DNAH6: variants seen among roughly 807,000 people sequenced by gnomAD.
DNAH6 encodes axonemal beta dynein heavy chain 6.
Under a neutral mutation model 491.4 loss-of-function variants are expected in DNAH6, and 340 were observed. The observed-to-expected ratio is 0.69, with a 90% confidence interval of 0.63 to 0.76. The LOEUF (loss-of-function observed/expected upper bound fraction) is 0.76. DNAH6 is among the 30% of genes least tolerant of loss of function. The pLI, the probability that DNAH6 is intolerant of heterozygous loss-of-function variation, is 0.00. For missense variants in DNAH6, 4,443 were observed against 4,972.2 expected (o/e 0.89, Z 3.20); for synonymous variants, 1,603 against 1,686.1 (o/e 0.95, Z 1.21).
intron 59 of DNAH6, among the ~76,000 whole-genome samples, chr2:84,719,432 G>T (rs1697872313): frequency 2.6e-5 from 4 of 152,032 alleles, no homozygotes; most frequent in African/African-American, 9.7e-5. Context: ...AGCATTCCGT[G>T]CCTTCTCTTC....
chr2:84,665,529 A>C (rs879728512), intron 37 of DNAH6, among the ~76,000 whole-genome samples: 22 of 152,112 alleles, frequency 1.4e-4, no homozygotes, highest in African/African-American at 4.3e-4. Flanking sequence ...GGACACATAC[A>C]CCCTCCCAAG....
chr2:84,616,171 A>G (rs372924703), intron 22 of DNAH6, among the ~76,000 whole-genome samples: 8 of 152,222 alleles, frequency 5.3e-5, no homozygotes, highest in African/African-American at 1.9e-4. Flanking sequence ...TTTGTTGGAT[A>G]GAATGTTCTG....
Position 84,529,021 on chromosome 2 carries a change from C to A in DNAH6, c.517C>A (p.His173Asn), listed in dbSNP as rs1345164290. 2 of 1,551,284 alleles carry A rather than the reference C, an allele frequency of 1.3e-6. No individual in the cohort carries two copies. Among genetic ancestry groups the A allele is most frequent in the African/African-American group, 1.4e-5 (1 of 72,970 alleles). ...TTCAGCTTACCCTAAGTACACTTTT[C>A]ACGACCGAGAAGAAGTTGTTAAAGC... ...RSSAYPKYTF[H>N]DREEVVKANI... is the part of the protein sequence containing the mutation. The change falls in exon 4 of 77, where the codon CAC (histidine) becomes AAC (asparagine). Residue 173 changes from histidine to asparagine, a missense_variant. His to Asn is a moderately conservative substitution (Grantham distance 68, BLOSUM62 1). Coordinates refer to ENST00000389394, the MANE Select transcript of DNAH6 (RefSeq NM_001370.2).
intron 45 of DNAH6, among the ~76,000 whole-genome samples, chr2:84,691,925 C>T (rs1694898190): frequency 6.6e-6 from 1 of 152,162 alleles, no homozygotes; most frequent in Admixed American, 6.5e-5. Context: ...TACCAAGGCA[C>T]TCAAGATGTG....
At chr2:84,639,938 C>T (rs1689232033) in intron 31 of DNAH6, among the ~76,000 whole-genome samples, 1 of 152,168 alleles carries the variant, frequency 6.6e-6, no homozygotes, top group Admixed American at 6.5e-5. Context: ...TTAATTTAAC[C>T]AAGGATGCAG....
chr2:84,689,326 A>G (rs1694612482), intron 45 of DNAH6, among the ~76,000 whole-genome samples: 1 of 152,184 alleles, frequency 6.6e-6, no homozygotes, highest in Admixed American at 6.5e-5. Context: ...AGAATGTCCC[A>G]GTGGTCTATT....
intron 29 of DNAH6, among the ~76,000 whole-genome samples, chr2:84,625,789 C>A (rs1215759839): frequency 6.6e-6 from 1 of 152,068 alleles, no homozygotes; most frequent in Non-Finnish European, 1.5e-5. Flanking sequence ...AGAAGACAGC[C>A]AGATTCTCTG....
At chr2:84,804,484 A>T (rs1261285057) in intron 70 of DNAH6, among the ~76,000 whole-genome samples, 1 of 152,108 alleles carries the variant, frequency 6.6e-6, no homozygotes, top group Admixed American at 6.5e-5. Flanking sequence ...GAAGTAAGCT[A>T]TAGTTTATTT....
intron 64 of DNAH6, among the ~76,000 whole-genome samples, chr2:84,776,300 T>A (rs1425722776): frequency 6.6e-6 from 1 of 152,204 alleles, no homozygotes; most frequent in Non-Finnish European, 1.5e-5. Flanking sequence ...GCATTGGCAG[T>A]GGTGCCTCAG....
At chr2:84,459,587 G>A in the DNAH6 span, 1 of 283,534 alleles carries the variant, frequency 3.5e-6, no homozygotes, top group South Asian at 5.0e-5. Context: ...TTTTGAGTGA[G>A]GCGGCGGGAA....
In DNAH6 at chr2:84,525,481, G is replaced by C. The variant is rs980116894; in HGVS notation, c.226-84G>C. On this transcript the variant is annotated intron_variant, in intron 2 of 76. Transcript: ENST00000389394. ...GTCCAAGGAGATCAATTTCCAACAG[G>C]AGAAAGAGTCCAAAGGTAGTGAAAA... is the stretch of plus-strand genomic sequence containing the variant. The C allele has an allele frequency of 3.7e-6, 5 of 1,340,106 alleles. No homozygotes were observed. The Admixed American group carries it at 1.3e-4, about 36-fold the overall frequency. The allele number at this position is 1,340,106 out of a possible 1,614,324, so 83.0% of individuals were successfully genotyped here.
chr2:84,705,897 C>A, intron 52 of DNAH6, 150 bp downstream of exon 52: 1 of 972,678 alleles, frequency 1.0e-6, no homozygotes, highest in Non-Finnish European at 1.4e-6. Context: ...CAAGAGCTGG[C>A]AATTTTTTTT....
At chr2:84,689,384 T>G (rs934689819) in intron 45 of DNAH6, among the ~76,000 whole-genome samples, 1 of 152,172 alleles carries the variant, frequency 6.6e-6, no homozygotes, top group African/African-American at 2.4e-5. Flanking sequence ...TTTTATCATC[T>G]CTCAATTTTT....
intron 68 of DNAH6, among the ~76,000 whole-genome samples, chr2:84,793,281 CCTT>C (rs1472581633): frequency 6.6e-6 from 1 of 152,182 alleles, no homozygotes; most frequent in Non-Finnish European, 1.5e-5. Context: ...CCAGAAGACT[CCTT>C]CTTGAAAGTG....
chr2:84,704,740 G>A (rs1055962174), intron 51 of DNAH6, among the ~76,000 whole-genome samples: 9 of 152,212 alleles, frequency 5.9e-5, no homozygotes, highest in Admixed American at 5.9e-4. Context: ...ATTGCATCAC[G>A]AAAGGTCTTA....
At chr2:84,639,210 C>A (rs1266456127) in intron 31 of DNAH6, among the ~76,000 whole-genome samples, 4 of 152,060 alleles carry the variant, frequency 2.6e-5, no homozygotes, top group African/African-American at 7.2e-5. Context: ...TCTCTACAAA[C>A]AGGGACAATA....
At chr2:84,487,202 T>C in the DNAH6 span, among the ~76,000 whole-genome samples, 2 of 152,234 alleles carry the variant, frequency 1.3e-5, no homozygotes, top group African/African-American at 2.4e-5. Context: ...AATTTCTCTT[T>C]GCATTAAATT....
At chr2:84,736,592 C>G (rs968772359) in intron 62 of DNAH6, among the ~76,000 whole-genome samples, 24 of 151,942 alleles carry the variant, frequency 1.6e-4, no homozygotes, top group Non-Finnish European at 1.2e-4. Context: ...ATTTTTGTGG[C>G]TATTTTAAAT....
the DNAH6 span, among the ~76,000 whole-genome samples, chr2:84,460,837 A>G: frequency 1.3e-5 from 2 of 152,226 alleles, no homozygotes; most frequent in African/African-American, 4.8e-5. Flanking sequence ...GTTAAGTTAA[A>G]TATTAAAAGC....
Sources: gnomAD v4.1 joint callset for allele counts (sites outside exome capture counted in the v4.1 genomes callset) on GRCh38, gnomAD v4.1.1 for gene constraint, MANE v1.5 for transcripts, NCBI Gene and HGNC (gene_info 2026-07-23, HGNC 2026-07-21) for gene names.